The following CCDC47 variants were observed in gnomAD, a reference collection of about 807,000 sequenced individuals.
CCDC47 encodes coiled-coil domain containing 47.
In CCDC47, 41 loss-of-function variants were observed where a neutral mutation model predicts 60.5. The observed-to-expected ratio is 0.68, with a 90% CI of 0.53 to 0.88. The LOEUF (loss-of-function observed/expected upper bound fraction) is 0.88. Ranked by LOEUF, CCDC47 falls within the 40% of genes least tolerant of loss-of-function variation. The probability of loss-of-function intolerance (pLI) is 0.00; values close to 1 mark genes in which losing one functional copy is unlikely to be tolerated. For synonymous variants in CCDC47, 195 were observed against 190.7 expected, an observed-to-expected ratio of 1.02 and a Z score of -0.18; for missense variants, 513 against 580.9, an observed-to-expected ratio of 0.88 and a Z score of 1.20.
At position 63,771,009 on chromosome 17, in the gene CCDC47, AAAGAAAGG is replaced by A. The variant is rs1338476791; in HGVS notation, c.-20+2395_-20+2402del. ...TCAAAAAAAAAAAAAAGAAAGAAAG[AAAGAAAGG>A]AAGGAAGGAAGGAAGGAAGGAAGGA... On this transcript the variant is annotated intron_variant, in intron 1 of 12. Coordinates refer to ENST00000225726, the MANE Select transcript of CCDC47 (RefSeq NM_020198.3). 8.4e-3 allele frequency among the ~76,000 whole-genome samples: 577 copies of A among 69,044 alleles called. 11 individuals are homozygous for A. Among genetic ancestry groups the A allele is most frequent in the Non-Finnish European group, 8.8e-3 (312 of 35,538 alleles). 45.3% of individuals were successfully genotyped at this position (69,044 alleles called of 152,430 possible). A position where few individuals can be genotyped will look rare whatever the true frequency, so the allele number is the denominator to read the frequency against.
chr17:63,768,917 C>G (rs1355936753), intron 1 of CCDC47, among the ~76,000 whole-genome samples: 2 of 151,814 alleles, frequency 1.3e-5, no homozygotes, highest in Non-Finnish European at 2.9e-5. Context: ...AATCCTGTCT[C>G]TACTAAAAAT....
In CCDC47 at chr17:63,746,524, T is replaced by A. The variant is rs140599746; in HGVS notation, c.*357A>T. 835 of 176,140 alleles carry A rather than the reference T, an allele frequency of 4.7e-3. 6 individuals carry two copies. The highest frequency in any genetic ancestry group is 0.018 in the African/African-American group (757 of 42,256). 10.9% of individuals were successfully genotyped at this position (176,140 alleles called of 1,614,324 possible). The stretch of plus-strand genomic sequence containing the variant: ...AACAAAAAGCAACAATCTGGTTATC[T>A]ACCTATAAATTTCACGGTATTTCTT... On this transcript the variant is annotated 3_prime_UTR_variant, in exon 13 of 13. Transcript: ENST00000225726.
chr17:63,747,227 CA>C (rs1388157526), intron 12 of CCDC47: 1 of 984,568 alleles, frequency 1.0e-6, no homozygotes, highest in Non-Finnish European at 1.2e-6. Context: ...TATAATTAAC[CA>C]GCCTTTGTTA....
chr17:63,770,784 G>C (rs756694695), intron 1 of CCDC47, among the ~76,000 whole-genome samples: 2 of 151,834 alleles, frequency 1.3e-5, no homozygotes, highest in Non-Finnish European at 2.9e-5. Context: ...TCAGGAGTTC[G>C]AGAACAGCCT....
rs59161342 is a variant in CCDC47, at chr17:63,751,365, CAAAAAAAAAAAAAAAAAAAAAAAAA to C, written c.1371+550_1371+574del. 4.1e-4 allele frequency among the ~76,000 whole-genome samples: 12 copies of C among 29,514 alleles called. No individual in the cohort carries two copies. The Admixed American group carries it at 5.8e-3, about 14-fold the overall frequency. The allele number at this position is 29,514 out of a possible 152,430, so 19.4% of individuals were successfully genotyped here. On this transcript the variant is annotated intron_variant, in intron 12 of 12. Transcript: ENST00000225726. Reference sequence around the variant, plus strand: ...TGGGTGACAGAGTGAGACTCCATCTCAAAAAAAAAAAAAAAAAAAAAAAAAAAAAAAAAAAAAAATTTAGAGCTGG... The same window carrying C: ...TGGGTGACAGAGTGAGACTCCATCTCAAAAAAAAAAAAAATTTAGAGCTGG...
chr17:63,759,553 A>ATATATT lies in CCDC47; in HGVS notation c.735+1360_735+1361insAATATA, dbSNP rs1555716142. Among the ~76,000 whole-genome samples the ATATATT allele has an allele frequency of 1.2e-3, 100 of 83,760 alleles. 9 individuals are homozygous for ATATATT. Among genetic ancestry groups the ATATATT allele is most frequent in the Non-Finnish European group, 2.1e-3 (91 of 44,328 alleles). 54.9% of individuals were successfully genotyped at this position (83,760 alleles called of 152,430 possible). ...TATATATATATATATATATATATATATATATATATATATATATATATATAA... is the reference window on the plus strand; with the variant it reads ...TATATATATATATATATATATATATATATATTTATATATATATATATATATATATAA... On this transcript the variant is annotated intron_variant, in intron 6 of 12. Transcript: ENST00000225726.
chr17:63,747,004 C>A lies in CCDC47; in HGVS notation c.1372-43G>T, dbSNP rs759567236. 5.0e-6 allele frequency: 8 copies of A among 1,597,940 alleles called. No homozygotes were observed. The South Asian group carries it at 6.7e-5, about 13-fold the overall frequency. On this transcript the variant is annotated intron_variant, in intron 12 of 12. Coordinates refer to ENST00000225726, the MANE Select transcript of CCDC47 (RefSeq NM_020198.3). ...AATAAATAGAGAAAGGGAGTGGGGA[C>A]GAGAGAATTCAAATTAAGCTTGAAA...
At chr17:63,771,990 G>A (rs2039345585) in intron 1 of CCDC47, among the ~76,000 whole-genome samples, 1 of 152,048 alleles carries the variant, frequency 6.6e-6, no homozygotes, top group South Asian at 2.1e-4. Context: ...GCTGAGGCAG[G>A]AGAATCGCTT....
intron 1 of CCDC47, among the ~76,000 whole-genome samples, chr17:63,769,274 C>T (rs541260321): frequency 4.7e-5 from 7 of 148,406 alleles, no homozygotes; most frequent in African/African-American, 1.5e-4. Flanking sequence ...CAAAATGTTA[C>T]AAATGAAGTC....
At chr17:63,752,886 G>C in intron 9 of CCDC47, 87 bp from the exon 10 acceptor site, 1 of 1,533,128 alleles carries the variant, frequency 6.5e-7, no homozygotes, top group East Asian at 2.4e-5. Context: ...TAGATGAACA[G>C]ATACCTGCAC....
chr17:63,756,781 G>A (rs1024931497), intron 6 of CCDC47, among the ~76,000 whole-genome samples: 1 of 152,118 alleles, frequency 6.6e-6, no homozygotes, highest in Non-Finnish European at 1.5e-5. Context: ...TTAACCAAAA[G>A]GGACATTATC....
intron 4 of CCDC47, chr17:63,762,046 A>C (rs2039265572): frequency 1.0e-6 from 1 of 968,608 alleles, no homozygotes. Context: ...ACAATTTCTC[A>C]CTATGTCTCC....
At chr17:63,756,731 C>T (rs1362601057) in intron 6 of CCDC47, among the ~76,000 whole-genome samples, 161 bp from the exon 7 acceptor site, 1 of 152,138 alleles carries the variant, frequency 6.6e-6, no homozygotes, top group Non-Finnish European at 1.5e-5. Flanking sequence ...CATAATCAGG[C>T]TGTTTTATGG....
intron 6 of CCDC47, 31 bp downstream of exon 6, chr17:63,760,883 T>C: frequency 3.4e-6 from 5 of 1,472,222 alleles, no homozygotes; most frequent in Non-Finnish European, 4.7e-6. Context: ...ATTCAGTCTG[T>C]ACACAGAAAA....
rs759174801 is a variant in CCDC47 at position 63,766,068 on chromosome 17, A to C, written c.108T>G (p.Asp36Glu). Residue 36 changes from aspartate to glutamate, a missense_variant, in exon 2 of 13, where the codon GAT becomes GAG. By Grantham distance (45) the Asp-to-Glu change is conservative. Transcript: ENST00000225726. ...CATCCTCAAATTCAGCGAAGTCATT[A>C]TCATCATACTCTACTATGTCCTCCT... ...EDEEDIVEYD[D>E]NDFAEFEDVM... The C allele has an allele frequency of 6.8e-6, 11 of 1,614,018 alleles. No individual in the cohort carries two copies. Among genetic ancestry groups the C allele is most frequent in the African/African-American group, 1.3e-5 (1 of 74,916 alleles).
intron 3 of CCDC47, 80 bp downstream of exon 3, chr17:63,764,651 CACCAGCTAT>C (rs2039284463): frequency 8.8e-7 from 1 of 1,137,966 alleles, no homozygotes; most frequent in Non-Finnish European, 1.3e-6. Context: ...ATTGCATTAA[CACCAGCTAT>C]ACATCATTAA....
At chr17:63,765,053 A>G in intron 2 of CCDC47, 1 of 656,516 alleles carries the variant, frequency 1.5e-6, no homozygotes, top group Non-Finnish European at 1.9e-6. Context: ...CAGCAAGGTG[A>G]CTACAGTTAA....
intron 12 of CCDC47, among the ~76,000 whole-genome samples, chr17:63,750,963 C>T (rs1440819526): frequency 6.6e-6 from 1 of 151,724 alleles, no homozygotes; most frequent in Non-Finnish European, 1.5e-5. Flanking sequence ...CAGCCTCAAT[C>T]TCCCAGGTTC....
intron 6 of CCDC47, among the ~76,000 whole-genome samples, chr17:63,760,143 T>C (rs1047811403): frequency 6.6e-6 from 1 of 151,482 alleles, no homozygotes; most frequent in Non-Finnish European, 1.5e-5. Context: ...ATAAACATAT[T>C]GATTTAATAA....
Sources: gnomAD v4.1 joint callset for allele counts (sites outside exome capture counted in the v4.1 genomes callset) on GRCh38, gnomAD v4.1.1 for gene constraint, MANE v1.5 for transcripts, NCBI Gene and HGNC (gene_info 2026-07-23, HGNC 2026-07-21) for gene names.